Variants in RORA observed in about 807,000 individuals in gnomAD.
RORA encodes the protein nuclear receptor ROR-alpha.
RORA carries 7 observed loss-of-function variants against 69.5 expected under a neutral mutation model. The ratio of observed to expected loss-of-function variants is 0.10; its 90% CI spans 0.06 to 0.19. RORA has a LOEUF of 0.19. Among genes scored for constraint, RORA ranks in the 10% least tolerant of loss-of-function variants. RORA has a pLI of 1.00. For synonymous variants in RORA, 261 were observed against 240.8 expected, an observed-to-expected ratio of 1.08 and a Z score of -0.78; for missense variants, 457 against 663.0, an observed-to-expected ratio of 0.69 and a Z score of 3.41.
chr15:61,057,889 C>T (rs2078117298), intron 1 of RORA, among the ~76,000 whole-genome samples: 1 of 152,180 alleles, frequency 6.6e-6, no homozygotes, highest in South Asian at 2.1e-4. Context: ...AAGACCACTA[C>T]GGATGGGGAA....
intron 1 of RORA, among the ~76,000 whole-genome samples, chr15:61,053,408 A>G (rs1265915953): frequency 6.6e-6 from 1 of 152,086 alleles, no homozygotes; most frequent in African/African-American, 2.4e-5. Context: ...TCCAGATGTA[A>G]TTAGGCCTCA....
intron 1 of RORA, among the ~76,000 whole-genome samples, chr15:61,096,799 G>T (rs764425811): frequency 6.6e-6 from 1 of 152,164 alleles, no homozygotes; most frequent in Non-Finnish European, 1.5e-5. Context: ...TACACACTGG[G>T]GAGCCATTTT....
At chr15:60,962,665 C>G (rs1893448117) in intron 1 of RORA, among the ~76,000 whole-genome samples, 1 of 152,212 alleles carries the variant, frequency 6.6e-6, no homozygotes, top group African/African-American at 2.4e-5. Flanking sequence ...CACTTGGCAG[C>G]CTGAACACGT....
At chr15:60,939,974 T>C (rs1161211995) in intron 1 of RORA, among the ~76,000 whole-genome samples, 1 of 152,204 alleles carries the variant, frequency 6.6e-6, no homozygotes, top group Non-Finnish European at 1.5e-5. Context: ...ATCCTGGTGG[T>C]AAATTACATT....
intron 2 of RORA, among the ~76,000 whole-genome samples, chr15:60,673,024 G>T (rs2433024): frequency 0.017 from 2,612 of 152,248 alleles, 79 homozygotes; most frequent in East Asian, 0.09. Flanking sequence ...TCGTAGGCTA[G>T]GCATGTTTGT....
chr15:60,725,190 A>G (rs1353271057), intron 1 of RORA, among the ~76,000 whole-genome samples: 1 of 152,142 alleles, frequency 6.6e-6, no homozygotes, highest in Non-Finnish European at 1.5e-5. Context: ...GAGTTTAGGC[A>G]TTTCAATGTC....
intron 2 of RORA, among the ~76,000 whole-genome samples, chr15:60,542,705 C>T (rs1358223581): frequency 6.7e-6 from 1 of 150,166 alleles, no homozygotes; most frequent in East Asian, 2.0e-4. Context: ...GGCACACGGG[C>T]ACACCTCCCA....
At chr15:60,596,290 A>G (rs2068664556) in intron 2 of RORA, among the ~76,000 whole-genome samples, 1 of 152,002 alleles carries the variant, frequency 6.6e-6, no homozygotes, top group South Asian at 2.1e-4. Context: ...GTTTTGTCTC[A>G]CCCAGGCCCT....
At chr15:61,149,349 T>C (rs996321112) in intron 1 of RORA, among the ~76,000 whole-genome samples, 4 of 152,136 alleles carry the variant, frequency 2.6e-5, no homozygotes, top group South Asian at 4.1e-4. Flanking sequence ...AGAAACCTCA[T>C]CTTGAAATCT....
At chr15:60,570,664 A>G (rs376044992) in intron 2 of RORA, among the ~76,000 whole-genome samples, 3 of 152,140 alleles carry the variant, frequency 2.0e-5, no homozygotes, top group East Asian at 3.8e-4. Flanking sequence ...GACAGTTTTA[A>G]TGATGATTTT....
At chr15:61,137,024 AAAGAAAGAAAG>A (rs2079247512) in intron 1 of RORA, among the ~76,000 whole-genome samples, 2 of 34,698 alleles carry the variant, frequency 5.8e-5, no homozygotes, top group African/African-American at 1.4e-4. Flanking sequence ...AATAAAAAAG[AAAGAAAGAAAG>A]AAAGAAAGAA....
intron 1 of RORA, among the ~76,000 whole-genome samples, chr15:60,995,702 G>A (rs148915298): frequency 3.7e-4 from 57 of 152,306 alleles, no homozygotes; most frequent in African/African-American, 1.3e-3. Flanking sequence ...TATGCTGGCA[G>A]AATACCCTGG....
chr15:60,628,330 T>C lies in RORA; in HGVS notation c.196+50327A>G, dbSNP rs576624865. 3.3e-5 allele frequency among the ~76,000 whole-genome samples: 5 copies of C among 152,330 alleles called. No individual in the cohort carries two copies. In the East Asian group the frequency reaches 5.8e-4, roughly 18 times the overall value. ...AATATCCCTTAATGGGTTTGTGTGA[T>C]GTTTTTCTCATGGTTAGACTGGGGT... On this transcript the variant is annotated intron_variant, in intron 2 of 10. Transcript: ENST00000335670.
At chr15:60,615,153 A>C in intron 2 of RORA, 1 of 1,215,812 alleles carries the variant, frequency 8.2e-7, no homozygotes, top group Non-Finnish European at 1.1e-6. Flanking sequence ...GTGTTTCCTC[A>C]TCTTAGTGCT....
chr15:61,080,662 G>A (rs925202922), intron 1 of RORA, among the ~76,000 whole-genome samples: 4 of 152,146 alleles, frequency 2.6e-5, no homozygotes, highest in Non-Finnish European at 4.4e-5. Context: ...CTACCATGAC[G>A]TCAGCTGCTC....
At position 60,702,860 on chromosome 15, in the gene RORA, G is replaced by A. The variant is rs1394183631; in HGVS notation, c.167-24174C>T. ...CCCTCTCCTTCCATGGTCACCTTGT[G>A]TGGAATGGGCCTTTTCCCTCTTGCC... On this transcript the variant is annotated intron_variant, in intron 1 of 10. Coordinates refer to ENST00000335670, the MANE Select transcript of RORA (RefSeq NM_134261.3). Among the ~76,000 whole-genome samples the A allele has an allele frequency of 3.3e-5, 5 of 152,188 alleles. No homozygotes were observed. The East Asian group carries it at 7.7e-4, about 23-fold the overall frequency.
chr15:61,134,183 T>C (rs1467843960), intron 1 of RORA, among the ~76,000 whole-genome samples: 1 of 151,990 alleles, frequency 6.6e-6, no homozygotes, highest in East Asian at 1.9e-4. Flanking sequence ...TCCCTCAGAG[T>C]CTAAGAATTG....
At chr15:60,778,891 C>T (rs536383321) in intron 1 of RORA, among the ~76,000 whole-genome samples, 59 of 152,162 alleles carry the variant, frequency 3.9e-4, no homozygotes, top group African/African-American at 1.3e-3. Flanking sequence ...GGGAGTGGGA[C>T]GGACTGTGAG....
chr15:60,557,880 CATAA>C (rs113771876), intron 2 of RORA, among the ~76,000 whole-genome samples: 3,539 of 152,172 alleles, frequency 0.023, 150 homozygotes, highest in African/African-American at 0.081. Flanking sequence ...GGGCAGTTAT[CATAA>C]ATATTTTTAA....
Sources: gnomAD v4.1 joint callset for allele counts (sites outside exome capture counted in the v4.1 genomes callset) on GRCh38, gnomAD v4.1.1 for gene constraint, MANE v1.5 for transcripts, NCBI Gene and HGNC (gene_info 2026-07-23, HGNC 2026-07-21) for gene names.